Variants in HACE1 observed in about 807,000 individuals in gnomAD.
HACE1 encodes the protein HECT domain and ankyrin repeat containing E3 ubiquitin protein ligase 1.
In HACE1, 73 loss-of-function variants were observed where a neutral mutation model predicts 118.4. The ratio of observed to expected loss-of-function variants is 0.62; its 90% CI spans 0.51 to 0.75. The LOEUF (loss-of-function observed/expected upper bound fraction) is 0.75. HACE1 is among the 30% of genes least tolerant of loss of function. The pLI, the probability that HACE1 is intolerant of heterozygous loss-of-function variation, is 0.00. For missense variants in HACE1, 749 were observed against 1,102.2 expected, an observed-to-expected ratio of 0.68 and a Z score of 4.54; for synonymous variants, 368 against 374.8, an observed-to-expected ratio of 0.98 and a Z score of 0.21.
At chr6:104,760,428 A>G (rs1779215691) in intron 19 of HACE1, among the ~76,000 whole-genome samples, 1 of 152,240 alleles carries the variant, frequency 6.6e-6, no homozygotes, top group South Asian at 2.1e-4. Flanking sequence ...TCAAATAAAC[A>G]GAACCAACAG....
chr6:104,755,440 T>C (rs1041284149), intron 19 of HACE1, among the ~76,000 whole-genome samples: 7 of 152,194 alleles, frequency 4.6e-5, no homozygotes, highest in Admixed American at 4.6e-4. Context: ...CTGATAGATA[T>C]CTACAGAACT....
At chr6:104,792,848 A>G (rs1783175275) in intron 10 of HACE1, among the ~76,000 whole-genome samples, 1 of 152,144 alleles carries the variant, frequency 6.6e-6, no homozygotes, top group South Asian at 2.1e-4. Context: ...GCAGCTGACC[A>G]ATCATTTGCT....
chr6:104,753,374 G>A (rs1778275760), intron 19 of HACE1, among the ~76,000 whole-genome samples: 1 of 152,162 alleles, frequency 6.6e-6, no homozygotes, highest in African/African-American at 2.4e-5. Flanking sequence ...CAGCACATGT[G>A]CTCTACCAAA....
intron 6 of HACE1, among the ~76,000 whole-genome samples, chr6:104,827,625 G>A (rs1195692805): frequency 6.6e-6 from 1 of 152,072 alleles, no homozygotes; most frequent in Admixed American, 6.5e-5. Flanking sequence ...CTGACCCTAG[G>A]AATATACTCT....
chr6:104,729,303 T>C lies in HACE1; in HGVS notation c.*359A>G, dbSNP rs780282703. ...TGACCTCATATAATATATCAGAAAT[T>C]AGGAGAAAACACCCTTTTAACAAGA... On this transcript the variant is annotated 3_prime_UTR_variant, in exon 24 of 24. Coordinates refer to ENST00000262903, the MANE Select transcript of HACE1 (RefSeq NM_020771.4). 5 of 240,530 alleles carry C rather than the reference T, an allele frequency of 2.1e-5. No individual in the cohort carries two copies. Among genetic ancestry groups the C allele is most frequent in the Non-Finnish European group, 3.3e-5 (4 of 121,808 alleles). The allele number at this position is 240,530 out of a possible 1,614,324, so 14.9% of individuals were successfully genotyped here.
chr6:104,736,614 A>G (rs1048737762), intron 22 of HACE1, among the ~76,000 whole-genome samples: 1 of 152,194 alleles, frequency 6.6e-6, no homozygotes, highest in Non-Finnish European at 1.5e-5. Context: ...AATACCTAAA[A>G]CAGTGGGAAG....
intron 5 of HACE1, among the ~76,000 whole-genome samples, chr6:104,840,165 T>C (rs1156900262): frequency 6.6e-6 from 1 of 152,220 alleles, no homozygotes; most frequent in African/African-American, 2.4e-5. Context: ...TATTATTTCT[T>C]AGCACTGCAT....
chr6:104,825,884 T>C (rs1294379291), intron 6 of HACE1, among the ~76,000 whole-genome samples: 1 of 152,218 alleles, frequency 6.6e-6, no homozygotes, highest in Non-Finnish European at 1.5e-5. Flanking sequence ...GTTTCTTCCA[T>C]CTTTCAACAA....
chr6:104,832,946 C>T (rs946919857), intron 6 of HACE1, 96 bp downstream of exon 6: 7 of 1,140,784 alleles, frequency 6.1e-6, no homozygotes, highest in East Asian at 2.4e-5. Flanking sequence ...TGCTATAATG[C>T]TTCATGTTCC....
chr6:104,737,649 T>G (rs1410377514), intron 22 of HACE1, among the ~76,000 whole-genome samples: 1 of 152,168 alleles, frequency 6.6e-6, no homozygotes, highest in Non-Finnish European at 1.5e-5. Flanking sequence ...ACCACGAGAT[T>G]ATATCCTGCA....
Position 104,730,390 on chromosome 6 carries a change from G to A in HACE1, c.2540C>T (p.Ala847Val). Residue 847 changes from alanine (A) to valine (V), a missense_variant, in exon 23 of 24, where the codon GCT (alanine) becomes GTT (valine). This residue lies in a region of HACE1 where 165 missense variants were observed against 229.9 expected (regional missense o/e 0.72). Transcript: ENST00000262903. ...GSSRVPHGGF[A>V]NIMGGSGLQN... The stretch of plus-strand genomic sequence containing the variant: ...CAATCCACTTCCACCCATGATATTA[G>A]CAAACCCACCATGTGGGACCCTGGA... The A allele has an allele frequency of 6.4e-7, 1 of 1,573,576 alleles. No homozygotes were observed. The highest frequency in any genetic ancestry group is 8.7e-7 in the Non-Finnish European group (1 of 1,142,984).
Position 104,858,517 on chromosome 6 carries a change from T to A in HACE1, c.76+1050A>T, listed in dbSNP as rs564828682. Reference sequence around the variant, plus strand: ...GAGTTCAAGACCAGCCTGGGGAACATAGTGAGACCTCATCTCTATAAAAGA... The same window carrying A: ...GAGTTCAAGACCAGCCTGGGGAACAAAGTGAGACCTCATCTCTATAAAAGA... On this transcript the variant is annotated intron_variant, in intron 1 of 23. Coordinates refer to ENST00000262903, the MANE Select transcript of HACE1 (RefSeq NM_020771.4). 1.0e-5 allele frequency: 4 copies of A among 391,062 alleles called. No homozygotes were observed. The East Asian group carries it at 3.0e-4, about 29-fold the overall frequency. 24.2% of individuals were successfully genotyped at this position (391,062 alleles called of 1,614,324 possible).
intron 17 of HACE1, 47 bp from the exon 18 acceptor site, chr6:104,772,121 A>T: frequency 1.9e-6 from 2 of 1,078,326 alleles, no homozygotes; most frequent in Non-Finnish European, 2.8e-6. Flanking sequence ...ATCTATATGC[A>T]GAAGAAAGAT....
At chr6:104,741,386 G>A (rs1776667377) in intron 22 of HACE1, among the ~76,000 whole-genome samples, 1 of 151,274 alleles carries the variant, frequency 6.6e-6, no homozygotes, top group Non-Finnish European at 1.5e-5. Context: ...GTTTGCAGAT[G>A]ACATGATTGT....
At chr6:104,855,564 ACT>A (rs1272503449) in intron 1 of HACE1, among the ~76,000 whole-genome samples, 37 of 152,236 alleles carry the variant, frequency 2.4e-4, no homozygotes, top group African/African-American at 8.7e-4. Flanking sequence ...TGTAAAATAG[ACT>A]CTGTTTTATC....
In HACE1 at chr6:104,750,265, A is replaced by G. The variant is rs1370871305; in HGVS notation, c.2343+76T>C. 3 of 1,213,434 alleles carry G rather than the reference A, an allele frequency of 2.5e-6. No homozygotes were observed. The African/African-American group carries it at 4.5e-5, about 18-fold the overall frequency. The allele number at this position is 1,213,434 out of a possible 1,614,324, so 75.2% of individuals were successfully genotyped here. On this transcript the variant is annotated intron_variant, in intron 20 of 23. Coordinates refer to ENST00000262903, the MANE Select transcript of HACE1 (RefSeq NM_020771.4). The stretch of plus-strand genomic sequence containing the variant: ...ATTATTTCATTCATCATAATACTCC[A>G]CAATTATTTCTGAATTACATCAACT...
At chr6:104,777,519 G>T (rs954763477) in intron 14 of HACE1, among the ~76,000 whole-genome samples, 1 of 152,136 alleles carries the variant, frequency 6.6e-6, no homozygotes, top group East Asian at 1.9e-4. Context: ...TGACTACCTA[G>T]AGAAATGTAT....
At chr6:104,750,592 A>G in intron 19 of HACE1, 120 bp from the exon 20 acceptor site, 1 of 915,904 alleles carries the variant, frequency 1.1e-6, no homozygotes, top group Non-Finnish European at 1.7e-6. Flanking sequence ...CAACACTCAT[A>G]CATCTCAGCA....
At chr6:104,750,499 A>G in intron 19 of HACE1, 27 bp from the exon 20 acceptor site, 2 of 1,607,120 alleles carry the variant, frequency 1.2e-6, no homozygotes, top group South Asian at 2.2e-5. Flanking sequence ...TTTCATGATG[A>G]CTTTTCAAAA....
Sources: gnomAD v4.1 joint callset for allele counts (sites outside exome capture counted in the v4.1 genomes callset) on GRCh38, gnomAD v4.1.1 for gene constraint, gnomAD v4.1.1 regional missense constraint, MANE v1.5 for transcripts, NCBI Gene and HGNC (gene_info 2026-07-23, HGNC 2026-07-21) for gene names.